Variants in LHFPL3 observed in about 807,000 individuals in gnomAD.
LHFPL3 encodes LHFPL tetraspan subfamily member 3 protein.
Under a neutral mutation model 19.3 loss-of-function variants are expected in LHFPL3, and 5 were observed. The observed-to-expected ratio is 0.26, with a 90% CI of 0.14 to 0.54. LHFPL3 has a LOEUF of 0.54. Ranked by LOEUF, LHFPL3 falls within the 20% of genes least tolerant of loss-of-function variation. LHFPL3 has a pLI of 0.94. For missense variants in LHFPL3, 249 were observed against 307.4 expected, an observed-to-expected ratio of 0.81 and a Z score of 1.42; for synonymous variants, 133 against 126.2, an observed-to-expected ratio of 1.05 and a Z score of -0.36.
chr7:104,886,423 G>C (rs1471712372), intron 2 of LHFPL3, among the ~76,000 whole-genome samples: 1 of 152,096 alleles, frequency 6.6e-6, no homozygotes, highest in African/African-American at 2.4e-5. Context: ...GGAGTGCAGT[G>C]GTGCGATCTC....
chr7:104,526,792 G>T (rs927606318), intron 1 of LHFPL3, among the ~76,000 whole-genome samples: 2 of 152,210 alleles, frequency 1.3e-5, no homozygotes, highest in Non-Finnish European at 2.9e-5. Context: ...AACAGGGACA[G>T]ACACCCACTC....
intron 1 of LHFPL3, among the ~76,000 whole-genome samples, chr7:104,523,298 TTGTC>T (rs910507383): frequency 2.0e-5 from 3 of 152,052 alleles, no homozygotes; most frequent in African/African-American, 7.2e-5. Context: ...TGTGACAAAT[TTGTC>T]TGTGGACTAT....
chr7:104,833,920 C>G (rs1333121759), intron 2 of LHFPL3, among the ~76,000 whole-genome samples: 1 of 104,528 alleles, frequency 9.6e-6, no homozygotes, highest in Non-Finnish European at 1.9e-5. Flanking sequence ...TAAGTATTAA[C>G]TTACATGATC....
At chr7:104,565,973 G>A (rs1270053990) in intron 1 of LHFPL3, among the ~76,000 whole-genome samples, 1 of 152,012 alleles carries the variant, frequency 6.6e-6, no homozygotes, top group Non-Finnish European at 1.5e-5. Context: ...TTCACCAGAG[G>A]GAAAAGGCAT....
At chr7:104,716,202 C>A (rs1793383400) in intron 1 of LHFPL3, among the ~76,000 whole-genome samples, 1 of 152,020 alleles carries the variant, frequency 6.6e-6, no homozygotes, top group South Asian at 2.1e-4. Flanking sequence ...CAAAAATTAG[C>A]CAGGTGTGAT....
intron 1 of LHFPL3, among the ~76,000 whole-genome samples, chr7:104,629,607 C>A (rs1791605087): frequency 6.6e-6 from 1 of 152,158 alleles, no homozygotes; most frequent in African/African-American, 2.4e-5. Context: ...AATGCTACAC[C>A]AAGCCTGGCT....
chr7:104,541,723 C>A (rs916464913), intron 1 of LHFPL3, among the ~76,000 whole-genome samples: 1 of 152,138 alleles, frequency 6.6e-6, no homozygotes, highest in Non-Finnish European at 1.5e-5. Flanking sequence ...TTCTGTACTG[C>A]AAATTCTCAG....
chr7:104,802,840 T>G (rs1164972082), intron 2 of LHFPL3: 3 of 152,280 alleles, frequency 2.0e-5, no homozygotes, highest in Non-Finnish European at 4.4e-5. Flanking sequence ...ATCTCTTACC[T>G]GGAGGTTATA....
At chr7:104,780,443 G>C (rs1013386152) in intron 2 of LHFPL3, among the ~76,000 whole-genome samples, 3 of 152,064 alleles carry the variant, frequency 2.0e-5, no homozygotes, top group Admixed American at 2.0e-4. Context: ...CCCAGAGGAC[G>C]CAGCTCCTTC....
intron 1 of LHFPL3, among the ~76,000 whole-genome samples, chr7:104,731,615 G>T (rs1793706896): frequency 6.6e-6 from 1 of 151,812 alleles, no homozygotes; most frequent in East Asian, 1.9e-4. Context: ...AGCTTAAGGA[G>T]ACTTTGGGCT....
chr7:104,393,568 T>G (rs981148169), intron 1 of LHFPL3, among the ~76,000 whole-genome samples: 6 of 151,368 alleles, frequency 4.0e-5, no homozygotes, highest in Admixed American at 1.3e-4. Flanking sequence ...ATACAAAAAT[T>G]AGCTGGGCAT....
intron 1 of LHFPL3, among the ~76,000 whole-genome samples, chr7:104,724,359 TAGG>T (rs57013675): frequency 0.035 from 5,305 of 152,194 alleles, 312 homozygotes; most frequent in African/African-American, 0.12. Flanking sequence ...GGAGTTCGGA[TAGG>T]AGGAGAAGAA....
chr7:104,336,492 C>G (rs1212532591), intron 1 of LHFPL3, among the ~76,000 whole-genome samples: 1 of 130,658 alleles, frequency 7.7e-6, no homozygotes, highest in African/African-American at 2.9e-5. Flanking sequence ...GCATTTCTCA[C>G]CTTTTTTGCT....
At chr7:104,867,599 A>C (rs1584586326) in intron 2 of LHFPL3, among the ~76,000 whole-genome samples, 1 of 151,862 alleles carries the variant, frequency 6.6e-6, no homozygotes, top group Non-Finnish European at 1.5e-5. Context: ...GCTTACCAAC[A>C]AAAAAAAGTC....
chr7:104,904,763 G>A (rs1456647654), intron 2 of LHFPL3, among the ~76,000 whole-genome samples: 4 of 152,140 alleles, frequency 2.6e-5, no homozygotes, highest in African/African-American at 9.7e-5. Context: ...CCAGCTAGCT[G>A]TATTTACCCA....
chr7:104,397,531 T>TA (rs1466329125), intron 1 of LHFPL3, among the ~76,000 whole-genome samples: 3 of 152,180 alleles, frequency 2.0e-5, no homozygotes, highest in Non-Finnish European at 2.9e-5. Context: ...CAAGAAGTCT[T>TA]CAGCCACTTC....
At chr7:104,683,962 T>C (rs1792760217) in intron 1 of LHFPL3, among the ~76,000 whole-genome samples, 1 of 152,236 alleles carries the variant, frequency 6.6e-6, no homozygotes, top group African/African-American at 2.4e-5. Context: ...AAAAGGCATA[T>C]CTGTATTTAG....
intron 1 of LHFPL3, among the ~76,000 whole-genome samples, chr7:104,574,381 C>A (rs369488883): frequency 3.3e-5 from 5 of 152,170 alleles, no homozygotes; most frequent in South Asian, 2.1e-4. Flanking sequence ...CCTATAATAT[C>A]ATTAATGGAT....
At chr7:104,902,406 G>A (rs1167287372) in intron 2 of LHFPL3, among the ~76,000 whole-genome samples, 1 of 151,704 alleles carries the variant, frequency 6.6e-6, no homozygotes, top group African/African-American at 2.4e-5. Flanking sequence ...AGGAGGAAGA[G>A]GAGGAGGGAG....
Sources: allele counts gnomAD v4.1 joint callset (sites outside exome capture counted in the v4.1 genomes callset), GRCh38; gene constraint gnomAD v4.1.1; transcripts MANE v1.5; gene names NCBI Gene and HGNC (gene_info 2026-07-23, HGNC 2026-07-21).